The following CACNA1D variants were observed in gnomAD, a reference collection of about 807,000 sequenced individuals.
CACNA1D encodes voltage-dependent L-type calcium channel subunit alpha-1D.
Under a neutral mutation model 257.1 loss-of-function variants are expected in CACNA1D, and 55 were observed. The ratio of observed to expected loss-of-function variants is 0.21; its 90% CI spans 0.17 to 0.27. The LOEUF is 0.27. Ranked by LOEUF, CACNA1D falls within the 10% of genes least tolerant of loss-of-function variation. CACNA1D has a pLI of 1.00. For missense variants in CACNA1D, 1,876 were observed against 2,784.0 expected (o/e 0.67, Z 7.34); for synonymous variants, 980 against 1,014.9 (o/e 0.97, Z 0.65).
chr3:53,530,742 G>T (rs1402180417), intron 3 of CACNA1D, among the ~76,000 whole-genome samples: 1 of 152,120 alleles, frequency 6.6e-6, no homozygotes, highest in Non-Finnish European at 1.5e-5. Flanking sequence ...AGTCTCATTT[G>T]TTTCGCTGGA....
intron 3 of CACNA1D, among the ~76,000 whole-genome samples, chr3:53,534,599 G>A (rs753153044): frequency 6.6e-6 from 1 of 151,992 alleles, no homozygotes; most frequent in Non-Finnish European, 1.5e-5. Context: ...CTCTGTCCCC[G>A]TCTCTCTCTG....
chr3:53,497,072 A>G (rs1157423247), intron 1 of CACNA1D, 80 bp from the exon 2 acceptor site: 1 of 1,047,058 alleles, frequency 9.6e-7, no homozygotes, highest in African/African-American at 1.6e-5. Context: ...TATTGATGGG[A>G]GACAACCTTT....
chr3:53,549,766 C>A lies in CACNA1D; in HGVS notation c.483+48046C>A, dbSNP rs190598721. ...TCCTTCATATTCACCATTGGCTTTT[C>A]AAGCATGCACAGAAGTGGTGTGCAG... On this transcript the variant is annotated intron_variant, in intron 3 of 47. Transcript: ENST00000350061. Among the ~76,000 whole-genome samples the A allele has an allele frequency of 2.2e-3, 337 of 152,206 alleles. 5 individuals are homozygous for A. The highest frequency in any genetic ancestry group is 7.8e-3 in the African/African-American group (322 of 41,530).
At chr3:53,734,791 A>G (rs2095041692) in intron 19 of CACNA1D, among the ~76,000 whole-genome samples, 1 of 152,308 alleles carries the variant, frequency 6.6e-6, no homozygotes, top group East Asian at 1.9e-4. Flanking sequence ...TTAAAAAAAT[A>G]ATAATAACAT....
intron 3 of CACNA1D, among the ~76,000 whole-genome samples, chr3:53,512,994 G>A (rs1041373700): frequency 2.4e-4 from 37 of 152,196 alleles, no homozygotes; most frequent in African/African-American, 8.9e-4. Flanking sequence ...GAAATAGCCA[G>A]GGCACAGGCC....
At chr3:53,733,926 G>T (rs984028839) in intron 19 of CACNA1D, among the ~76,000 whole-genome samples, 3 of 81,980 alleles carry the variant, frequency 3.7e-5, no homozygotes, top group South Asian at 4.6e-4. Context: ...GTGTGTGTGT[G>T]TGTTTGTGTG....
chr3:53,731,109 A>G lies in CACNA1D; in HGVS notation c.2369A>G (p.Lys790Arg), dbSNP rs763129695. The G allele has an allele frequency of 1.2e-6, 2 of 1,611,850 alleles. No homozygotes were observed. Among genetic ancestry groups the G allele is most frequent in the Non-Finnish European group, 1.7e-6 (2 of 1,178,014 alleles). The change falls in exon 17 of 48, where the codon AAA (lysine) becomes AGA (arginine). Residue 790 changes from lysine (K) to arginine (R), a missense_variant. Physicochemically the swap from Lys to Arg is conservative, Grantham distance 26. This residue lies in a region of CACNA1D where 78 missense variants were observed against 69.2 expected (regional missense o/e 1.13). Coordinates refer to ENST00000350061, the MANE Select transcript of CACNA1D (RefSeq NM_001128840.3). ...AGCCTAGAAAATAAAAAGAACAACA[A>G]ACCAGAAGTCAACCAGATAGCCAAC... ...KESLENKKNNKPEVNQIANSD... is the reference protein window; with the variant it reads ...KESLENKKNNRPEVNQIANSD...
Position 53,762,060 on chromosome 3 carries a change from C to T in CACNA1D, c.3849C>T (p.Asp1283=), listed in dbSNP as rs765055000. ...DSLIVIGSII[D]VALSEADPTE... is the part of the protein sequence containing the mutation. ...TCATCGTAATCGGCAGCATTATAGA[C>T]GTGGCCCTCAGCGAAGCAGACGTGA... The change falls in exon 30 of 48, where the codon GAC becomes GAT. Residue 1283 remains aspartate, a synonymous_variant. Transcript: ENST00000350061. 1.9e-5 allele frequency: 31 copies of T among 1,612,894 alleles called. No homozygotes were observed. The highest frequency in any genetic ancestry group is 3.3e-4 in the Middle Eastern group (2 of 6,082).
intron 11 of CACNA1D, among the ~76,000 whole-genome samples, chr3:53,721,605 T>C (rs1014582785): frequency 2.6e-5 from 4 of 152,206 alleles, no homozygotes; most frequent in African/African-American, 9.6e-5. Context: ...ATGCTACTTG[T>C]CTGTTTGGCT....
intron 19 of CACNA1D, among the ~76,000 whole-genome samples, chr3:53,733,619 G>C (rs1353348375): frequency 6.6e-6 from 1 of 152,188 alleles, no homozygotes. Context: ...ATAAGAGGAA[G>C]ACGTTTATTT....
intron 32 of CACNA1D, among the ~76,000 whole-genome samples, chr3:53,772,187 C>A (rs958138876): frequency 1.3e-5 from 2 of 152,130 alleles, no homozygotes; most frequent in African/African-American, 2.4e-5. Context: ...CACTTGGCGA[C>A]CCCCCAGCTC....
intron 20 of CACNA1D, among the ~76,000 whole-genome samples, chr3:53,739,410 T>C (rs2612030): frequency 0.89 from 135,885 of 152,294 alleles, 60,847 homozygotes; most frequent in East Asian, 1. Flanking sequence ...CAGAAGCTCC[T>C]GGTGAGCAGC....
At chr3:53,632,855 A>C (rs1228021110) in intron 3 of CACNA1D, among the ~76,000 whole-genome samples, 1 of 152,260 alleles carries the variant, frequency 6.6e-6, no homozygotes, top group Non-Finnish European at 1.5e-5. Flanking sequence ...ATGTCTCCAA[A>C]CAATTACAAT....
chr3:53,680,528 G>A (rs181286384), intron 8 of CACNA1D, among the ~76,000 whole-genome samples: 1 of 152,164 alleles, frequency 6.6e-6, no homozygotes, highest in African/African-American at 2.4e-5. Flanking sequence ...AGAAGAGGGA[G>A]GTTGTTGAGG....
Position 53,495,660 on chromosome 3 carries a change from G to T in CACNA1D, c.67+427G>T, listed in dbSNP as rs953087090. ...TCGTTGACTAGGAAGAAGGTCCCTGGTGGCATCCGGAAAATTCTAGGATTG... is the reference window on the plus strand; with the variant it reads ...TCGTTGACTAGGAAGAAGGTCCCTGTTGGCATCCGGAAAATTCTAGGATTG... On this transcript the variant is annotated intron_variant, in intron 1 of 47. Coordinates refer to ENST00000350061, the MANE Select transcript of CACNA1D (RefSeq NM_001128840.3). The surrounding 1 kb of genome is among the most constrained non-coding windows in gnomAD (Gnocchi z 5.1). Among the ~76,000 whole-genome samples the T allele has an allele frequency of 6.6e-6, 1 of 152,212 alleles. No homozygotes were observed. The highest frequency in any genetic ancestry group is 1.5e-5 in the Non-Finnish European group (1 of 68,026).
chr3:53,549,618 G>A (rs1397674820), intron 3 of CACNA1D, among the ~76,000 whole-genome samples: 4 of 152,162 alleles, frequency 2.6e-5, no homozygotes. Context: ...ACTCTAGAGA[G>A]GACTGTGATA....
chr3:53,534,553 T>C (rs1547949), intron 3 of CACNA1D, among the ~76,000 whole-genome samples: 39,575 of 152,012 alleles, frequency 0.26, 5,294 homozygotes, highest in Middle Eastern at 0.33. Flanking sequence ...CTCAACCTCA[T>C]GGACATACTG....
rs181307186 is a variant in CACNA1D at position 53,723,149 on chromosome 3, T to C, written c.1667-285T>C. ...CTGGAAGGAGTCAGAGATTATGTGA[T>C]GAGCTGCCCCTTCCCATTTTGTCAT... On this transcript the variant is annotated intron_variant, in intron 12 of 47. Coordinates refer to ENST00000350061, the MANE Select transcript of CACNA1D (RefSeq NM_001128840.3). The surrounding 1 kb of genome is among the most constrained non-coding windows in gnomAD (Gnocchi z 5.6). Among the ~76,000 whole-genome samples the C allele has an allele frequency of 2.0e-5, 3 of 152,286 alleles. No individual in the cohort carries two copies. The highest frequency in any genetic ancestry group is 2.0e-4 in the Admixed American group (3 of 15,298).
At chr3:53,770,374 T>C in intron 31 of CACNA1D, 50 bp from the exon 32 acceptor site, 1 of 1,585,008 alleles carries the variant, frequency 6.3e-7, no homozygotes, top group Non-Finnish European at 8.7e-7. Flanking sequence ...CTGAAAGTGT[T>C]GCATGTTCTA....
Sources: gnomAD v4.1 joint callset for allele counts (sites outside exome capture counted in the v4.1 genomes callset) on GRCh38, gnomAD v4.1.1 for gene constraint, gnomAD v4.1.1 regional missense constraint, Gnocchi (gnomAD v3.1) non-coding constraint, MANE v1.5 for transcripts, NCBI Gene and HGNC (gene_info 2026-07-23, HGNC 2026-07-21) for gene names.